The following REDIC1 variants were observed in gnomAD, a reference collection of about 807,000 sequenced individuals.
REDIC1 encodes the protein HEI10 Interacting Protein 1.
chr12:39,776,062 G>A, the REDIC1 span, among the ~76,000 whole-genome samples: 1 of 152,168 alleles, frequency 6.6e-6, no homozygotes, highest in African/African-American at 2.4e-5. Context: ...AAAGTTTAGT[G>A]ACTCATAGAC....
chr12:39,837,450 A>G, the REDIC1 span, among the ~76,000 whole-genome samples: 1 of 138,020 alleles, frequency 7.2e-6, no homozygotes, highest in Admixed American at 7.3e-5. Context: ...CATGTCCAAA[A>G]CACCAAAAGC....
At chr12:39,713,787 A>G in the REDIC1 span, among the ~76,000 whole-genome samples, 2 of 149,238 alleles carry the variant, frequency 1.3e-5, no homozygotes, top group East Asian at 2.0e-4. Context: ...ACGTAAATAT[A>G]CATAGATGTA....
At chr12:39,855,932 G>A in the REDIC1 span, among the ~76,000 whole-genome samples, 1 of 152,160 alleles carries the variant, frequency 6.6e-6, no homozygotes, top group Admixed American at 6.5e-5. Flanking sequence ...GAGTCACTGA[G>A]GGATGGCCTA....
the REDIC1 span, among the ~76,000 whole-genome samples, chr12:39,802,098 G>C: frequency 6.6e-6 from 1 of 152,176 alleles, no homozygotes; most frequent in African/African-American, 2.4e-5. Flanking sequence ...CAGTTGATGG[G>C]CTGGTCAGGA....
the REDIC1 span, among the ~76,000 whole-genome samples, chr12:39,844,714 G>T: frequency 6.6e-6 from 1 of 152,080 alleles, no homozygotes; most frequent in African/African-American, 2.4e-5. Context: ...AAAGAAGCAA[G>T]TGGGGTCTCT....
chr12:39,668,801 G>A, the REDIC1 span, among the ~76,000 whole-genome samples: 1 of 151,214 alleles, frequency 6.6e-6, no homozygotes, highest in Non-Finnish European at 1.5e-5. Context: ...CATTTCATTC[G>A]TTTGATCTTC....
At chr12:39,724,899 A>G in the REDIC1 span, among the ~76,000 whole-genome samples, 6 of 152,150 alleles carry the variant, frequency 3.9e-5, no homozygotes, top group Non-Finnish European at 7.4e-5. Flanking sequence ...TATATGTTTA[A>G]TTGAAGTATC....
chr12:39,774,191 C>T, the REDIC1 span, among the ~76,000 whole-genome samples: 2 of 152,116 alleles, frequency 1.3e-5, no homozygotes, highest in African/African-American at 2.4e-5. Flanking sequence ...AGTATCTCTC[C>T]AGGATAGGAC....
At chr12:39,800,403 AAAAC>A in the REDIC1 span, among the ~76,000 whole-genome samples, 12 of 151,106 alleles carry the variant, frequency 7.9e-5, no homozygotes, top group Admixed American at 4.0e-4. Flanking sequence ...TTACAAGAAA[AAAAC>A]AAACAACCCC....
chr12:39,777,197 A>T, the REDIC1 span, among the ~76,000 whole-genome samples: 1 of 152,196 alleles, frequency 6.6e-6, no homozygotes, highest in Non-Finnish European at 1.5e-5. Context: ...TGCCATAATG[A>T]GCCAATCATA....
chr12:39,826,854 A>ATTTTTTTTTTTTTTTTTTTTTTTTT, the REDIC1 span, among the ~76,000 whole-genome samples: 2 of 67,416 alleles, frequency 3.0e-5, no homozygotes, highest in East Asian at 6.0e-4. Context: ...GTCTCTTTCA[A>ATTTTTTTTTTTTTTTTTTTTTTTTT]TTTTTTTTTT....
the REDIC1 span, chr12:39,760,306 G>C: frequency 1.3e-6 from 2 of 1,495,028 alleles, no homozygotes; most frequent in Non-Finnish European, 1.8e-6. Flanking sequence ...AGAGGCTTAA[G>C]TTGGAAAGAT....
chr12:39,895,746 A>G, the REDIC1 span, among the ~76,000 whole-genome samples: 34 of 79,932 alleles, frequency 4.3e-4, no homozygotes, highest in East Asian at 1.8e-3. Flanking sequence ...ACACACATGT[A>G]TATGCGTGTA....
the REDIC1 span, among the ~76,000 whole-genome samples, chr12:39,713,584 A>G: frequency 1.3e-5 from 2 of 149,952 alleles, no homozygotes; most frequent in Admixed American, 6.7e-5. Context: ...ATATGTATAC[A>G]CATGTATAGA....
chr12:39,781,968 T>C, the REDIC1 span, among the ~76,000 whole-genome samples: 6 of 152,224 alleles, frequency 3.9e-5, no homozygotes, highest in Admixed American at 3.3e-4. Flanking sequence ...TCTTGAGTTA[T>C]GGTTGTCTTG....
the REDIC1 span, among the ~76,000 whole-genome samples, chr12:39,705,542 T>C: frequency 3.3e-5 from 5 of 152,094 alleles, no homozygotes; most frequent in African/African-American, 1.2e-4. Flanking sequence ...CTCTGATGAA[T>C]ATTGATGCAA....
chr12:39,663,907 T>G, the REDIC1 span, among the ~76,000 whole-genome samples: 1 of 152,044 alleles, frequency 6.6e-6, no homozygotes, highest in Non-Finnish European at 1.5e-5. Flanking sequence ...ATGTTTTTAT[T>G]TCTCTTTCAT....
At chr12:39,712,000 GTATA>G in the REDIC1 span, among the ~76,000 whole-genome samples, 1 of 143,390 alleles carries the variant, frequency 7.0e-6, no homozygotes, top group African/African-American at 2.6e-5. Flanking sequence ...ATACATGTCT[GTATA>G]TATACCTACC....
the REDIC1 span, among the ~76,000 whole-genome samples, chr12:39,692,540 T>G: frequency 6.8e-6 from 1 of 146,808 alleles, no homozygotes; most frequent in East Asian, 2.0e-4. Flanking sequence ...CAACTTGCTT[T>G]TTTTTTTCAC....
Sources: allele counts gnomAD v4.1 joint callset (sites outside exome capture counted in the v4.1 genomes callset), GRCh38; gene constraint gnomAD v4.1.1; transcripts MANE v1.5; gene names NCBI Gene and HGNC (gene_info 2026-07-23, HGNC 2026-07-21).